Variants in ATP2A1 observed in about 807,000 individuals in gnomAD.
ATP2A1 encodes the protein sarcoplasmic/endoplasmic reticulum calcium ATPase 1.
ATP2A1 carries 83 observed loss-of-function variants against 109.5 expected under a neutral mutation model. That is an observed-to-expected ratio of 0.76 (90% CI 0.63 to 0.91). The LOEUF is 0.91. ATP2A1 is among the 40% of genes least tolerant of loss of function. The pLI is 0.00. For synonymous variants in ATP2A1, 505 were observed against 537.6 expected (o/e 0.94, Z 0.84); for missense variants, 1,101 against 1,341.0 (o/e 0.82, Z 2.80).
chr16:28,894,798 C>T, intron 11 of ATP2A1, 24 bp from the exon 12 acceptor site: 5 of 1,610,424 alleles, frequency 3.1e-6, no homozygotes, highest in Non-Finnish European at 4.2e-6. Flanking sequence ...CACCGACTTC[C>T]TCTTCCTCCT....
chr16:28,895,439 A>C (rs915985777), intron 12 of ATP2A1, among the ~76,000 whole-genome samples: 4 of 152,160 alleles, frequency 2.6e-5, no homozygotes, highest in Non-Finnish European at 5.9e-5. Flanking sequence ...GTCTCCATTA[A>C]GCACTTCTCT....
In ATP2A1 at chr16:28,878,729, G is replaced by A. The variant is rs1027940672; in HGVS notation, c.58G>A (p.Glu20Lys). Reference protein sequence around the residue: ...EECLAYFGVSETTGLTPDQVK... With the variant: ...EECLAYFGVSKTTGLTPDQVK... Reference sequence around the variant, plus strand: ...ATGTTTGGCCTATTTTGGGGTGAGTGAGACCACGGGCCTCACCCCGGACCA... The same window carrying A: ...ATGTTTGGCCTATTTTGGGGTGAGTAAGACCACGGGCCTCACCCCGGACCA... Residue 20 changes from glutamate to lysine, a missense_variant, in exon 1 of 23, where the codon GAG (glutamate) becomes AAG (lysine). Coordinates refer to ENST00000395503, the MANE Select transcript of ATP2A1 (RefSeq NM_004320.6). 6.0e-5 allele frequency: 96 copies of A among 1,612,990 alleles called. No homozygotes were observed. Among genetic ancestry groups the A allele is most frequent in the Non-Finnish European group, 7.7e-5 (91 of 1,179,588 alleles).
chr16:28,898,034 T>A lies in ATP2A1; in HGVS notation c.1454T>A (p.Leu485Gln), dbSNP rs772656695. 1.2e-6 allele frequency: 2 copies of A among 1,614,086 alleles called. No homozygotes were observed. ...IRQLMKKEFTLEFSRDRKSMS... is the reference protein window; with the variant it reads ...IRQLMKKEFTQEFSRDRKSMS... ...CAGCTAATGAAGAAGGAATTCACCC[T>A]GGAGTTCTCCCGAGACAGAAAGTCC... Residue 485 changes from leucine (L) to glutamine (Q), a missense_variant, in exon 13 of 23, where the codon CTG becomes CAG. By Grantham distance (113) the Leu-to-Gln change is moderately radical. Coordinates refer to ENST00000395503, the MANE Select transcript of ATP2A1 (RefSeq NM_004320.6). This position sits in a 1 kb window ranked among gnomAD's most constrained non-coding sequence, Gnocchi z 4.0.
intron 1 of ATP2A1, 58 bp from the exon 2 acceptor site, chr16:28,879,040 TG>T (rs1478252895): frequency 6.2e-7 from 1 of 1,610,448 alleles, no homozygotes; most frequent in African/African-American, 1.3e-5. Context: ...GTCTTGGGTG[TG>T]GGGGGCATGA....
chr16:28,891,825 G>A (rs1044371053), intron 9 of ATP2A1, among the ~76,000 whole-genome samples: 2 of 151,830 alleles, frequency 1.3e-5, no homozygotes, highest in African/African-American at 4.8e-5. Context: ...GTTGCGGTGA[G>A]ATTGCACCAC....
chr16:28,901,176 T>C (rs1417886008), intron 15 of ATP2A1, among the ~76,000 whole-genome samples: 1 of 150,982 alleles, frequency 6.6e-6, no homozygotes, highest in African/African-American at 2.4e-5. Flanking sequence ...AAAACAAAAC[T>C]TTAAAAATAA....
At chr16:28,889,659 CTGTG>C in intron 9 of ATP2A1, among the ~76,000 whole-genome samples, 2 of 152,286 alleles carry the variant, frequency 1.3e-5, no homozygotes, top group Middle Eastern at 6.8e-3. Context: ...AAACCCGAGT[CTGTG>C]TGGCCCCAGA....
chr16:28,888,662 C>G, intron 8 of ATP2A1, 125 bp from the exon 9 acceptor site: 1 of 1,182,034 alleles, frequency 8.5e-7, no homozygotes, highest in Admixed American at 2.2e-5. Flanking sequence ...GCCTCAGCCT[C>G]CCAAAGTGCT....
chr16:28,891,783 G>A (rs1963780594), intron 9 of ATP2A1, among the ~76,000 whole-genome samples: 1 of 150,866 alleles, frequency 6.6e-6, no homozygotes, highest in East Asian at 2.0e-4. Flanking sequence ...GGAGGCTGAG[G>A]CAGGAGAATC....
At chr16:28,886,332 G>C (rs999887258) in intron 6 of ATP2A1, among the ~76,000 whole-genome samples, 4 of 152,080 alleles carry the variant, frequency 2.6e-5, no homozygotes, top group African/African-American at 9.7e-5. Flanking sequence ...GCAAGACCCT[G>C]TCTCTGTAAA....
In ATP2A1 at chr16:28,879,550, G is replaced by A. The variant is rs1356439409; in HGVS notation, c.186G>A (p.Val62=). The A allele has an allele frequency of 1.2e-6, 2 of 1,614,196 alleles. No individual in the cohort carries two copies. The highest frequency in any genetic ancestry group is 1.7e-5 in the Admixed American group (1 of 60,030). The part of the protein sequence containing the change: ...LVIEQFEDLL[V]RILLLAACIS... ...TAGAGCAGTTTGAAGACCTCCTGGT[G>A]CGGATTCTCCTCCTGGCCGCATGCA... is the stretch of plus-strand genomic sequence containing the variant. The change falls in exon 3 of 23, where the codon GTG becomes GTA. Residue 62 remains valine (V), a synonymous_variant. Transcript: ENST00000395503.
At chr16:28,896,030 A>G (rs1221839062) in intron 12 of ATP2A1, among the ~76,000 whole-genome samples, 3 of 152,170 alleles carry the variant, frequency 2.0e-5, no homozygotes, top group Non-Finnish European at 4.4e-5. Context: ...GTGTGATCAC[A>G]GCGCACTGCA....
intron 9 of ATP2A1, chr16:28,892,779 T>C (rs1397731053): frequency 6.6e-6 from 1 of 152,272 alleles, no homozygotes; most frequent in Non-Finnish European, 1.5e-5. Flanking sequence ...GAATTAATTC[T>C]CACGCCTGTA....
intron 4 of ATP2A1, 125 bp from the exon 5 acceptor site, chr16:28,882,326 A>T: frequency 7.1e-7 from 1 of 1,417,924 alleles, no homozygotes; most frequent in Non-Finnish European, 9.8e-7. Flanking sequence ...TGTAGGTGAC[A>T]GTTTCCTCAA....
chr16:28,902,051 C>T lies in ATP2A1; in HGVS notation c.2289C>T (p.Tyr763=), dbSNP rs1596686814. 1 of 1,614,224 alleles carries T rather than the reference C, an allele frequency of 6.2e-7. No homozygotes were observed. Among genetic ancestry groups the T allele is most frequent in the Non-Finnish European group, 8.5e-7 (1 of 1,180,032 alleles). The change falls in exon 16 of 23, where the codon TAC becomes TAT. Residue 763 remains tyrosine, a synonymous_variant. Coordinates refer to ENST00000395503, the MANE Select transcript of ATP2A1 (RefSeq NM_004320.6). This position sits in a 1 kb window ranked among gnomAD's most constrained non-coding sequence, Gnocchi z 4.8. The part of the protein sequence containing the change: ...IYNNMKQFIR[Y]LISSNVGEVV... The stretch of plus-strand genomic sequence containing the variant: ...ACAACATGAAGCAGTTCATCCGCTA[C>T]CTCATTTCCTCCAACGTGGGCGAGG...
intron 9 of ATP2A1, 143 bp downstream of exon 9, chr16:28,889,096 T>C: frequency 1.6e-6 from 2 of 1,233,838 alleles, no homozygotes; most frequent in Non-Finnish European, 2.3e-6. Flanking sequence ...TAGAACGCCA[T>C]CCTGTCTGCC....
chr16:28,904,149 C>T, intron 22 of ATP2A1, 31 bp from the exon 23 acceptor site: 1 of 1,591,408 alleles, frequency 6.3e-7, no homozygotes. Context: ...CCTCCTGCCG[C>T]CTGCCTCATC....
rs1336141491 is a variant in ATP2A1, at chr16:28,883,483, C to T, written c.463+894C>T. ...TCTATCCCGACCTCCCTCCTCCCTC[C>T]TCGGTCCATTTCCTCTGGCACAGGA... On this transcript the variant is annotated intron_variant, in intron 5 of 22. Transcript: ENST00000395503. This position sits in a 1 kb window ranked among gnomAD's most constrained non-coding sequence, Gnocchi z 5.2. Among the ~76,000 whole-genome samples the T allele has an allele frequency of 6.6e-6, 1 of 152,180 alleles. No homozygotes were observed. The highest frequency in any genetic ancestry group is 2.4e-5 in the African/African-American group (1 of 41,452).
In ATP2A1 at chr16:28,882,514, T is replaced by C. The variant is rs1963515917; in HGVS notation, c.388T>C (p.Tyr130His). ...KEYEPEMGKV[Y>H]RADRKSVQRI... Reference sequence around the variant, plus strand: ...GTATGAGCCAGAGATGGGGAAGGTCTACCGGGCTGACCGCAAGTCAGTGCA... The same window carrying C: ...GTATGAGCCAGAGATGGGGAAGGTCCACCGGGCTGACCGCAAGTCAGTGCA... The change falls in exon 5 of 23, where the codon TAC becomes CAC. Residue 130 changes from tyrosine (Y) to histidine (H), a missense_variant. Physicochemically the swap from Tyr to His is moderately conservative, Grantham distance 83 (BLOSUM62 2). Coordinates refer to ENST00000395503, the MANE Select transcript of ATP2A1 (RefSeq NM_004320.6). The C allele has an allele frequency of 1.9e-6, 3 of 1,614,188 alleles. No individual in the cohort carries two copies. The highest frequency in any genetic ancestry group is 1.3e-5 in the African/African-American group (1 of 75,038).
Sources: gnomAD v4.1 joint callset for allele counts (sites outside exome capture counted in the v4.1 genomes callset) on GRCh38, gnomAD v4.1.1 for gene constraint, Gnocchi (gnomAD v3.1) non-coding constraint, MANE v1.5 for transcripts, NCBI Gene and HGNC (gene_info 2026-07-23, HGNC 2026-07-21) for gene names.